ITFG1: variants seen among roughly 807,000 people sequenced by gnomAD.
ITFG1 encodes the protein integrin alpha FG-GAP repeat containing 1, also known as T-cell immunomodulatory protein.
Under a neutral mutation model 81.8 loss-of-function variants are expected in ITFG1, and 34 were observed. The ratio of observed to expected loss-of-function variants is 0.42; its 90% CI spans 0.32 to 0.55. The LOEUF is 0.55. Among genes scored for constraint, ITFG1 ranks in the 20% least tolerant of loss-of-function variants. The probability of loss-of-function intolerance (pLI) is 0.17; values close to 1 mark genes in which losing one functional copy is unlikely to be tolerated. For synonymous variants in ITFG1, 285 were observed against 270.6 expected, an observed-to-expected ratio of 1.05 and a Z score of -0.52; for missense variants, 672 against 755.4, an observed-to-expected ratio of 0.89 and a Z score of 1.29.
chr16:47,352,132 C>T (rs1251389124), intron 8 of ITFG1, among the ~76,000 whole-genome samples: 2 of 152,124 alleles, frequency 1.3e-5, no homozygotes, highest in South Asian at 2.1e-4. Context: ...CAATACCATT[C>T]GGGACATTGG....
At chr16:47,221,544 C>CT (rs1455601417) in intron 13 of ITFG1, among the ~76,000 whole-genome samples, 2 of 152,110 alleles carry the variant, frequency 1.3e-5, no homozygotes, top group African/African-American at 4.8e-5. Context: ...CTAAAATTCT[C>CT]TTTTTTGCTT....
intron 13 of ITFG1, among the ~76,000 whole-genome samples, chr16:47,236,613 T>C (rs1965877953): frequency 6.6e-6 from 1 of 151,794 alleles, no homozygotes; most frequent in South Asian, 2.1e-4. Context: ...CACCATGTAA[T>C]AATCAAAGAG....
At chr16:47,445,664 C>G (rs947145364) in intron 5 of ITFG1, among the ~76,000 whole-genome samples, 1 of 152,150 alleles carries the variant, frequency 6.6e-6, no homozygotes, top group Non-Finnish European at 1.5e-5. Flanking sequence ...TAGCTAGTCC[C>G]ATGACCTATT....
chr16:47,173,034 G>A (rs895924246), intron 14 of ITFG1, among the ~76,000 whole-genome samples: 2 of 152,036 alleles, frequency 1.3e-5, no homozygotes, highest in African/African-American at 2.4e-5. Flanking sequence ...TATATATTAG[G>A]GCCTTTGCAC....
intron 6 of ITFG1, among the ~76,000 whole-genome samples, chr16:47,391,830 C>T (rs1968535110): frequency 6.6e-6 from 1 of 152,134 alleles, no homozygotes; most frequent in Admixed American, 6.5e-5. Context: ...ACCTTTGATG[C>T]ATTAATATCC....
intron 14 of ITFG1, among the ~76,000 whole-genome samples, chr16:47,174,040 AAAAAC>A (rs1167628324): frequency 6.6e-6 from 1 of 152,214 alleles, no homozygotes; most frequent in South Asian, 2.1e-4. Flanking sequence ...AACTGTCTCA[AAAAAC>A]AAAACAAAAC....
intron 8 of ITFG1, among the ~76,000 whole-genome samples, chr16:47,344,300 A>G (rs906956467): frequency 6.6e-6 from 1 of 152,232 alleles, no homozygotes; most frequent in Admixed American, 6.5e-5. Flanking sequence ...AAATTTTTAA[A>G]AAAGTAGATT....
chr16:47,298,846 TTTG>T (rs1376663884), intron 10 of ITFG1, among the ~76,000 whole-genome samples: 17 of 152,188 alleles, frequency 1.1e-4, no homozygotes, highest in African/African-American at 3.9e-4. Flanking sequence ...ATATGTGATC[TTTG>T]TTAACATCTG....
chr16:47,315,642 T>C (rs888957953), intron 8 of ITFG1, among the ~76,000 whole-genome samples: 22 of 152,204 alleles, frequency 1.4e-4, no homozygotes, highest in East Asian at 5.8e-4. Context: ...CTAGTAAACA[T>C]ATATCTAACT....
At chr16:47,165,159 G>T (rs1317292911) in intron 14 of ITFG1, among the ~76,000 whole-genome samples, 1 of 152,030 alleles carries the variant, frequency 6.6e-6, no homozygotes, top group Non-Finnish European at 1.5e-5. Context: ...TACAATATAT[G>T]TATTTTCTAG....
chr16:47,300,134 T>A (rs1219486205), intron 10 of ITFG1, among the ~76,000 whole-genome samples: 1 of 152,220 alleles, frequency 6.6e-6, no homozygotes, highest in African/African-American at 2.4e-5. Context: ...GAAAGTGGAC[T>A]GCAGAAAGAG....
chr16:47,457,404 T>G (rs1425853864), intron 2 of ITFG1, among the ~76,000 whole-genome samples: 1 of 152,176 alleles, frequency 6.6e-6, no homozygotes, highest in Non-Finnish European at 1.5e-5. Context: ...AAACAATGAT[T>G]ACTAATTTAA....
intron 10 of ITFG1, among the ~76,000 whole-genome samples, chr16:47,297,451 T>G (rs917832554): frequency 2.0e-5 from 3 of 152,170 alleles, no homozygotes; most frequent in African/African-American, 7.2e-5. Context: ...TTCCCGCACT[T>G]TTATGGTGGT....
intron 10 of ITFG1, among the ~76,000 whole-genome samples, chr16:47,282,561 A>G (rs935310371): frequency 6.6e-6 from 1 of 152,180 alleles, no homozygotes; most frequent in African/African-American, 2.4e-5. Flanking sequence ...ACATATGAGT[A>G]CAGGTATCCT....
intron 14 of ITFG1, among the ~76,000 whole-genome samples, chr16:47,194,790 A>G (rs770271973): frequency 6.6e-6 from 1 of 152,162 alleles, no homozygotes; most frequent in African/African-American, 2.4e-5. Flanking sequence ...CACATGTGCC[A>G]TGGTGGTTTG....
intron 2 of ITFG1, among the ~76,000 whole-genome samples, chr16:47,456,220 A>G (rs962850834): frequency 1.3e-5 from 2 of 152,162 alleles, no homozygotes; most frequent in Admixed American, 6.5e-5. Flanking sequence ...AAAAAGAAAA[A>G]CAAATCTATA....
At chr16:47,205,245 T>C (rs1324136038) in intron 14 of ITFG1, among the ~76,000 whole-genome samples, 1 of 152,312 alleles carries the variant, frequency 6.6e-6, no homozygotes, top group African/African-American at 2.4e-5. Flanking sequence ...AGGGAGCTGT[T>C]CTATCTGTTA....
chr16:47,396,433 A>G (rs1968594031), intron 6 of ITFG1, among the ~76,000 whole-genome samples: 1 of 152,164 alleles, frequency 6.6e-6, no homozygotes. Flanking sequence ...ATGAAGAAAA[A>G]GTTCAGGAAC....
intron 6 of ITFG1, among the ~76,000 whole-genome samples, chr16:47,405,697 A>G (rs1297431838): frequency 6.6e-6 from 1 of 152,196 alleles, no homozygotes; most frequent in Non-Finnish European, 1.5e-5. Flanking sequence ...AAAAGCAAAT[A>G]CATATACAGT....
Sources: gnomAD v4.1 joint callset for allele counts (sites outside exome capture counted in the v4.1 genomes callset) on GRCh38, gnomAD v4.1.1 for gene constraint, MANE v1.5 for transcripts, NCBI Gene and HGNC (gene_info 2026-07-23, HGNC 2026-07-21) for gene names.